ATP10B: variants seen among roughly 807,000 people sequenced by gnomAD.
ATP10B encodes the protein ATPase phospholipid transporting 10B (putative).
A neutral mutation model predicts 141.2 loss-of-function variants in ATP10B; 122 were observed. The ratio of observed to expected loss-of-function variants is 0.86; its 90% CI spans 0.75 to 1.00. The LOEUF (loss-of-function observed/expected upper bound fraction) is 1.00. ATP10B is among the 50% of genes least tolerant of loss of function. ATP10B has a pLI of 0.00. For synonymous variants in ATP10B, 685 were observed against 692.0 expected, an observed-to-expected ratio of 0.99 and a Z score of 0.16; for missense variants, 1,876 against 1,825.3, an observed-to-expected ratio of 1.03 and a Z score of -0.51.
intron 3 of ATP10B, among the ~76,000 whole-genome samples, chr5:160,715,578 C>T (rs1476905606): frequency 1.3e-5 from 2 of 151,724 alleles, no homozygotes; most frequent in East Asian, 1.9e-4. Flanking sequence ...CCGTCTTCTG[C>T]GTCGCTCACG....
intron 25 of ATP10B, among the ~76,000 whole-genome samples, chr5:160,566,953 C>T (rs1754582678): frequency 6.6e-6 from 1 of 152,186 alleles, no homozygotes. Context: ...CTGGCCAACC[C>T]CTGCCAGTGG....
chr5:160,631,381 C>G (rs1758930877), intron 13 of ATP10B, among the ~76,000 whole-genome samples: 1 of 152,194 alleles, frequency 6.6e-6, no homozygotes, highest in African/African-American at 2.4e-5. Flanking sequence ...TGCTTGCTAC[C>G]TGGATGTTTG....
chr5:160,684,663 C>CT (rs1763641267), intron 6 of ATP10B, among the ~76,000 whole-genome samples: 1 of 152,170 alleles, frequency 6.6e-6, no homozygotes, highest in Admixed American at 6.5e-5. Flanking sequence ...CTCAATCCTC[C>CT]TTTTTTCTGG....
chr5:160,799,115 A>C (rs900850184), intron 1 of ATP10B, among the ~76,000 whole-genome samples: 17 of 124,140 alleles, frequency 1.4e-4, no homozygotes, highest in African/African-American at 4.2e-4. Flanking sequence ...CTGTATCAAA[A>C]GCTGATTTTT....
At position 160,620,508 on chromosome 5, in the gene ATP10B, T is replaced by C. The variant is rs779125274; in HGVS notation, c.2255A>G (p.Gln752Arg). The change falls in exon 15 of 26, where the codon CAG (glutamine) becomes CGG (arginine). Residue 752 changes from glutamine to arginine, a missense_variant. Transcript: ENST00000327245. ...GAGGCTGAAGGTGAGGCAGGTGCCCTGGGGCAGGCGCACAGTCACCTGCTC... is the reference window on the plus strand; with the variant it reads ...GAGGCTGAAGGTGAGGCAGGTGCCCCGGGGCAGGCGCACAGTCACCTGCTC... ...TPEQVTVRLP[Q>R]GTCLTFSLLC... 1.6e-5 allele frequency: 26 copies of C among 1,614,030 alleles called. No individual in the cohort carries two copies. The highest frequency in any genetic ancestry group is 3.3e-5 in the South Asian group (3 of 91,084).
chr5:160,798,388 C>A (rs560206838), intron 1 of ATP10B, among the ~76,000 whole-genome samples: 1 of 152,126 alleles, frequency 6.6e-6, no homozygotes, highest in East Asian at 1.9e-4. Context: ...GTAGAGTGGG[C>A]CCTAACCCAA....
At chr5:160,895,948 C>A in the ATP10B span, among the ~76,000 whole-genome samples, 2 of 151,956 alleles carry the variant, frequency 1.3e-5, no homozygotes, top group Non-Finnish European at 2.9e-5. Flanking sequence ...GAATGACTAC[C>A]AGTTAAATAA....
At chr5:160,829,069 A>C (rs1374029830) in intron 1 of ATP10B, among the ~76,000 whole-genome samples, 1 of 69,884 alleles carries the variant, frequency 1.4e-5, no homozygotes, top group Non-Finnish European at 2.6e-5. Context: ...GGGTGGGGGG[A>C]GGGGGGAGGG....
chr5:160,804,809 A>G (rs1772660413), intron 1 of ATP10B, among the ~76,000 whole-genome samples: 1 of 152,214 alleles, frequency 6.6e-6, no homozygotes, highest in African/African-American at 2.4e-5. Flanking sequence ...AATAAAAAAC[A>G]GTAGCACCTC....
At chr5:160,851,604 C>T (rs1753818697) in intron 1 of ATP10B, among the ~76,000 whole-genome samples, 1 of 152,146 alleles carries the variant, frequency 6.6e-6, no homozygotes, top group South Asian at 2.1e-4. Context: ...AAGGCTGTAA[C>T]TCCATCTGCT....
intron 10 of ATP10B, among the ~76,000 whole-genome samples, chr5:160,637,021 C>CATCCATCCATCCATTA (rs879497778): frequency 2.2e-5 from 1 of 45,530 alleles, no homozygotes. Flanking sequence ...TCCATCTATC[C>CATCCATCCATCCATTA]ATCCATCCAT....
At chr5:160,779,796 G>A in intron 2 of ATP10B, among the ~76,000 whole-genome samples, 1 of 152,144 alleles carries the variant, frequency 6.6e-6, no homozygotes, top group Non-Finnish European at 1.5e-5. Context: ...GACAAATAAA[G>A]TAGCTTGCAA....
the ATP10B span, among the ~76,000 whole-genome samples, chr5:160,887,719 A>G: frequency 1.3e-4 from 20 of 152,274 alleles, no homozygotes; most frequent in African/African-American, 4.3e-4. Flanking sequence ...AGGGTCTTTC[A>G]GTCACTGTCC....
intron 7 of ATP10B, among the ~76,000 whole-genome samples, chr5:160,650,687 A>G (rs1760669954): frequency 6.6e-6 from 1 of 152,224 alleles, no homozygotes; most frequent in Non-Finnish European, 1.5e-5. Flanking sequence ...CCTTAGTTAT[A>G]GATTAAAAGA....
Position 160,620,651 on chromosome 5 carries a change from C to T in ATP10B, c.2112G>A (p.Glu704=), listed in dbSNP as rs1211036413. The change falls in exon 15 of 26, where the codon GAG becomes GAA. Residue 704 remains glutamate, a synonymous_variant. Coordinates refer to ENST00000327245, the MANE Select transcript of ATP10B (RefSeq NM_025153.3). The stretch of plus-strand genomic sequence containing the variant: ...GCCTGGCCAGGTCTGTGGCTGGGGC[C>T]TCCAATGCCTCCTCCAAGGAAGTGC... ...GSGTSLEEAL[E]APATDLARPE... The T allele has an allele frequency of 7.4e-6, 12 of 1,613,440 alleles. No individual in the cohort carries two copies. Among genetic ancestry groups the T allele is most frequent in the Non-Finnish European group, 1.0e-5 (12 of 1,179,444 alleles).
At chr5:160,739,414 A>G (rs1034088767) in intron 2 of ATP10B, among the ~76,000 whole-genome samples, 2 of 152,258 alleles carry the variant, frequency 1.3e-5, no homozygotes, top group Admixed American at 6.5e-5. Flanking sequence ...ACATGATAAC[A>G]TATGCTAGAA....
the ATP10B span, among the ~76,000 whole-genome samples, chr5:160,909,510 T>G: frequency 6.6e-6 from 1 of 152,168 alleles, no homozygotes; most frequent in Non-Finnish European, 1.5e-5. Flanking sequence ...GAACCATTTC[T>G]TAAGATGGTA....
At chr5:160,725,112 A>G (rs998914803) in intron 2 of ATP10B, among the ~76,000 whole-genome samples, 1 of 152,244 alleles carries the variant, frequency 6.6e-6, no homozygotes, top group Non-Finnish European at 1.5e-5. Context: ...TTAATAAAAA[A>G]GTTTAAGATT....
chr5:160,885,928 GCTT>G, the ATP10B span, among the ~76,000 whole-genome samples: 3 of 152,158 alleles, frequency 2.0e-5, no homozygotes, highest in African/African-American at 2.4e-5. Flanking sequence ...GTCAGGATCT[GCTT>G]CTTGATTCAT....
Sources: gnomAD v4.1 joint callset for allele counts (sites outside exome capture counted in the v4.1 genomes callset) on GRCh38, gnomAD v4.1.1 for gene constraint, MANE v1.5 for transcripts, NCBI Gene and HGNC (gene_info 2026-07-23, HGNC 2026-07-21) for gene names.